CEPT1: variants seen among roughly 807,000 people sequenced by gnomAD.
CEPT1 encodes choline/ethanolaminephosphotransferase 1.
CEPT1 carries 7 observed loss-of-function variants against 42.6 expected under a neutral mutation model. The ratio of observed to expected loss-of-function variants is 0.16; its 90% CI spans 0.09 to 0.31. The LOEUF is 0.31. Among genes scored for constraint, CEPT1 ranks in the 10% least tolerant of loss-of-function variants. The pLI, the probability that CEPT1 is intolerant of heterozygous loss-of-function variation, is 1.00. For synonymous variants in CEPT1, 171 were observed against 171.9 expected, an observed-to-expected ratio of 0.99 and a Z score of 0.04; for missense variants, 306 against 502.1, an observed-to-expected ratio of 0.61 and a Z score of 3.73.
chr1:111,161,140 A>G lies in CEPT1; in HGVS notation c.488-15A>G. The G allele has an allele frequency of 6.2e-7, 1 of 1,613,778 alleles. No individual in the cohort carries two copies. The highest frequency in any genetic ancestry group is 1.3e-5 in the African/African-American group (1 of 74,998). ...TTCATATTATTTGGTTTTCATCGTG[A>G]TCTTTCTTCTGCAGTTTTTGTGGTT... On this transcript the variant is annotated splice_polypyrimidine_tract_variant and intron_variant, in intron 3 of 8. Transcript: ENST00000357172.
intron 2 of CEPT1, among the ~76,000 whole-genome samples, chr1:111,151,747 A>G (rs970742993): frequency 6.6e-6 from 1 of 152,224 alleles, no homozygotes; most frequent in South Asian, 2.1e-4. Flanking sequence ...AAAAAGATCT[A>G]GCTATGTTAA....
chr1:111,154,771 G>A (rs1655469588), intron 2 of CEPT1, among the ~76,000 whole-genome samples: 1 of 152,138 alleles, frequency 6.6e-6, no homozygotes, highest in South Asian at 2.1e-4. Flanking sequence ...TCGTTCTGTT[G>A]ATGTGATGTG....
chr1:111,159,699 G>A, intron 3 of CEPT1, 172 bp downstream of exon 3: 2 of 468,082 alleles, frequency 4.3e-6, no homozygotes, highest in Non-Finnish European at 7.2e-6. Flanking sequence ...GTAGTGTTAG[G>A]AAATTTAGAA....
intron 8 of CEPT1, among the ~76,000 whole-genome samples, 156 bp from the exon 9 acceptor site, chr1:111,184,035 A>G (rs1313251946): frequency 1.3e-5 from 2 of 152,214 alleles, no homozygotes; most frequent in Non-Finnish European, 2.9e-5. Flanking sequence ...TCTCTCTAAC[A>G]AAGAGTTTGT....
intron 3 of CEPT1, chr1:111,160,031 G>C (rs1264221317): frequency 6.6e-6 from 1 of 152,120 alleles, no homozygotes; most frequent in Non-Finnish European, 1.5e-5. Flanking sequence ...TTTACCACAG[G>C]AGAAAAAAGG....
At chr1:111,145,235 C>T (rs1263085712) in intron 1 of CEPT1, among the ~76,000 whole-genome samples, 1 of 152,104 alleles carries the variant, frequency 6.6e-6, no homozygotes, top group Non-Finnish European at 1.5e-5. Context: ...AGGCTGGTCT[C>T]GAACTCCTGA....
chr1:111,159,126 G>A (rs938116930), intron 2 of CEPT1, among the ~76,000 whole-genome samples: 3 of 149,234 alleles, frequency 2.0e-5, no homozygotes, highest in Non-Finnish European at 4.4e-5. Context: ...TTTTTTAGCC[G>A]GGATGGTCTC....
intron 4 of CEPT1, among the ~76,000 whole-genome samples, chr1:111,163,978 A>T (rs929744308): frequency 3.9e-5 from 6 of 152,200 alleles, no homozygotes; most frequent in Non-Finnish European, 8.8e-5. Flanking sequence ...GTTTACATAC[A>T]TAAGTGAAAA....
chr1:111,182,259 A>G lies in CEPT1; in HGVS notation c.787A>G (p.Thr263Ala), dbSNP rs1657029035. The change falls in exon 6 of 9, where the codon ACA becomes GCA. Residue 263 changes from threonine (T) to alanine (A), a missense_variant. Physicochemically the swap from Thr to Ala is moderately conservative, Grantham distance 58. This residue lies in a region of CEPT1 where 253 missense variants were observed against 447.3 expected (regional missense o/e 0.57). Transcript: ENST00000357172. The stretch of plus-strand genomic sequence containing the variant: ...TGTAGCAGGGACCATATTTTCCTGT[A>G]CAAATTACTTCCGTGTAATCTTCAC... ...CTVAGTIFSC[T>A]NYFRVIFTGG... The G allele has an allele frequency of 1.2e-6, 2 of 1,613,164 alleles. No homozygotes were observed. The highest frequency in any genetic ancestry group is 1.7e-6 in the Non-Finnish European group (2 of 1,179,456).
At chr1:111,178,537 C>A (rs1656810540) in intron 5 of CEPT1, 1 of 149,788 alleles carries the variant, frequency 6.7e-6, no homozygotes. Context: ...TTGCAAGAAA[C>A]AAAAAGCATA....
intron 4 of CEPT1, among the ~76,000 whole-genome samples, chr1:111,169,070 C>T (rs1656287133): frequency 6.6e-6 from 1 of 152,100 alleles, no homozygotes; most frequent in South Asian, 2.1e-4. Context: ...AGTTGTTATA[C>T]TATAATGTTT....
At chr1:111,177,826 T>A (rs531483713) in intron 5 of CEPT1, among the ~76,000 whole-genome samples, 2 of 147,302 alleles carry the variant, frequency 1.4e-5, no homozygotes, top group Non-Finnish European at 3.0e-5. Context: ...TGAGGTGAGG[T>A]TGCAACGGGA....
At chr1:111,168,493 CTT>C (rs1194436907) in intron 4 of CEPT1, among the ~76,000 whole-genome samples, 7 of 142,154 alleles carry the variant, frequency 4.9e-5, no homozygotes, top group Admixed American at 7.0e-5. Flanking sequence ...TTCTTTGGTT[CTT>C]TTTTTTTTTT....
chr1:111,139,992 G>T (rs1261855272), upstream of CEPT1: 1 of 152,350 alleles, frequency 6.6e-6, no homozygotes, highest in African/African-American at 2.4e-5. Context: ...AGAGGGAGCG[G>T]GCTGCAAGCG....
At chr1:111,151,715 T>C (rs756418462) in intron 2 of CEPT1, among the ~76,000 whole-genome samples, 7 of 152,210 alleles carry the variant, frequency 4.6e-5, no homozygotes, top group Non-Finnish European at 1.0e-4. Context: ...TTAATCTCTT[T>C]AGGATTGGGA....
chr1:111,167,540 A>G lies in CEPT1; in HGVS notation c.629+6244A>G, dbSNP rs927159435. 1.4e-5 allele frequency: 13 copies of G among 919,948 alleles called. No individual in the cohort carries two copies. In the African/African-American group the frequency reaches 2.3e-4, roughly 16 times the overall value. 57.0% of individuals were successfully genotyped at this position (919,948 alleles called of 1,614,324 possible). A position where few individuals can be genotyped will look rare whatever the true frequency, so the allele number is the denominator to read the frequency against. On this transcript the variant is annotated intron_variant, in intron 4 of 8. Transcript: ENST00000357172. Reference sequence around the variant, plus strand: ...TATATTTCTATTTTGAAAACAGAATAAAGCAAGCAGAGTTTTTCTTAGGTA... The same window carrying G: ...TATATTTCTATTTTGAAAACAGAATGAAGCAAGCAGAGTTTTTCTTAGGTA...
intron 1 of CEPT1, 101 bp from the exon 2 acceptor site, chr1:111,147,541 A>G (rs765081834): frequency 2.0e-6 from 1 of 512,688 alleles, no homozygotes; most frequent in Non-Finnish European, 3.4e-6. Context: ...TACTTTATTG[A>G]CAATTTGATT....
intron 6 of CEPT1, 107 bp from the exon 7 acceptor site, chr1:111,182,692 A>G: frequency 2.0e-6 from 2 of 992,200 alleles, no homozygotes; most frequent in South Asian, 3.6e-5. Context: ...ATCAGGCACC[A>G]TGAGGTTCCT....
At chr1:111,183,360 A>C in intron 7 of CEPT1, 102 bp from the exon 8 acceptor site, 1 of 1,324,524 alleles carries the variant, frequency 7.5e-7, no homozygotes, top group Non-Finnish European at 1.0e-6. Context: ...AGCTATTCCT[A>C]AATAATTATT....
Sources: gnomAD v4.1 joint callset for allele counts (sites outside exome capture counted in the v4.1 genomes callset) on GRCh38, gnomAD v4.1.1 for gene constraint, gnomAD v4.1.1 regional missense constraint, MANE v1.5 for transcripts, NCBI Gene and HGNC (gene_info 2026-07-23, HGNC 2026-07-21) for gene names.